TMEM167A: variants seen among roughly 807,000 people sequenced by gnomAD.
The protein encoded by TMEM167A is transmembrane protein 167A, also known as protein kish-A.
TMEM167A carries 8 observed loss-of-function variants against 11.6 expected under a neutral mutation model. The ratio of observed to expected loss-of-function variants is 0.69; its 90% confidence interval spans 0.40 to 1.24. The LOEUF is 1.24. Ranked by LOEUF, TMEM167A falls within the 50% of genes most tolerant of loss-of-function variation. TMEM167A has a pLI of 0.01. For synonymous variants in TMEM167A, 22 were observed against 28.0 expected (o/e 0.79, Z 0.67); for missense variants, 62 against 87.0 (o/e 0.71, Z 1.14).
rs574855161 is a variant in TMEM167A at position 83,055,326 on chromosome 5, A to G, written c.*1758T>C. 5 of 152,136 alleles carry G rather than the reference A, an allele frequency of 3.3e-5. No individual in the cohort carries two copies. In the East Asian group the frequency reaches 5.8e-4, roughly 18 times the overall value. 9.4% of individuals were successfully genotyped at this position (152,136 alleles called of 1,614,324 possible). On this transcript the variant is annotated 3_prime_UTR_variant, in exon 4 of 4. Transcript: ENST00000502346. ...AAAAATTAGTTGACATGGCTTTCGG[A>G]AAGTCCAGTTGGCAGCAGAGCTGGA...
At chr5:83,064,268 T>C (rs768277770) in intron 2 of TMEM167A, 1 of 518,792 alleles carries the variant, frequency 1.9e-6, no homozygotes, top group South Asian at 1.4e-5. Context: ...GAGAACTCCT[T>C]TGTTAATGTA....
intron 1 of TMEM167A, among the ~76,000 whole-genome samples, chr5:83,066,779 C>A (rs990116601): frequency 6.6e-6 from 1 of 151,968 alleles, no homozygotes; most frequent in Non-Finnish European, 1.5e-5. Context: ...GGGGGTAGAT[C>A]TCCCATGAAT....
intron 1 of TMEM167A, among the ~76,000 whole-genome samples, chr5:83,073,181 C>G (rs753949369): frequency 6.6e-6 from 1 of 152,184 alleles, no homozygotes; most frequent in African/African-American, 2.4e-5. Flanking sequence ...CTTGGCTCTC[C>G]GCATCTGTTT....
intron 3 of TMEM167A, among the ~76,000 whole-genome samples, chr5:83,058,517 G>A (rs1156467165): frequency 6.6e-6 from 1 of 151,830 alleles, no homozygotes; most frequent in Non-Finnish European, 1.5e-5. Flanking sequence ...TAATTCTCTT[G>A]GAGAAAAAAG....
Position 83,073,848 on chromosome 5 carries a change from C to A in TMEM167A, c.3+3473G>T, listed in dbSNP as rs1451273622. 3.5e-4 allele frequency among the ~76,000 whole-genome samples: 54 copies of A among 152,192 alleles called. 1 individual carries two copies. The highest frequency in any genetic ancestry group is 3.5e-3 in the Admixed American group (54 of 15,284). Reference sequence around the variant, plus strand: ...CCAAGCTGGAGCTGTGCTTCATCACCCTTCATTAAGTATCTTCAAAACGAT... The same window carrying A: ...CCAAGCTGGAGCTGTGCTTCATCACACTTCATTAAGTATCTTCAAAACGAT... On this transcript the variant is annotated intron_variant, in intron 1 of 3. Transcript: ENST00000502346.
In TMEM167A at chr5:83,053,676, T is replaced by C. The variant is rs1744290274; in HGVS notation, c.*3408A>G. ...ACCTTTGCCTACCTTTCTAGGCTTA[T>C]GTCTTAATACTCCCGAAGTGGCACA... On this transcript the variant is annotated 3_prime_UTR_variant, in exon 4 of 4. Coordinates refer to ENST00000502346, the MANE Select transcript of TMEM167A (RefSeq NM_174909.5). 1 of 152,034 alleles carries C rather than the reference T, an allele frequency of 6.6e-6. No homozygotes were observed. Among genetic ancestry groups the C allele is most frequent in the Non-Finnish European group, 1.5e-5 (1 of 67,956 alleles). The allele number at this position is 152,034 out of a possible 1,614,324, so 9.4% of individuals were successfully genotyped here. A position where few individuals can be genotyped will look rare whatever the true frequency, so the allele number is the denominator to read the frequency against.
intron 1 of TMEM167A, among the ~76,000 whole-genome samples, chr5:83,077,023 A>G (rs1744687122): frequency 6.6e-6 from 1 of 152,254 alleles, no homozygotes; most frequent in South Asian, 2.1e-4. Context: ...AATGCTTCAA[A>G]GGGTCAATGA....
chr5:83,057,833 C>T (rs1023060329), intron 3 of TMEM167A, among the ~76,000 whole-genome samples: 6 of 152,030 alleles, frequency 3.9e-5, no homozygotes, highest in Admixed American at 2.0e-4. Context: ...TTCCTTTGTA[C>T]GAAGTAAATC....
chr5:83,065,124 A>AC lies in TMEM167A; in HGVS notation c.4-8_4-7insG. 1 of 1,521,010 alleles carries AC rather than the reference A, an allele frequency of 6.6e-7. No individual in the cohort carries two copies. The highest frequency in any genetic ancestry group is 8.9e-7 in the Non-Finnish European group (1 of 1,122,620). The allele number at this position is 1,521,010 out of a possible 1,614,324, so 94.2% of individuals were successfully genotyped here. A position where few individuals can be genotyped will look rare whatever the true frequency, so the allele number is the denominator to read the frequency against. On this transcript the variant is annotated splice_polypyrimidine_tract_variant and splice_region_variant and intron_variant, in intron 1 of 3. Transcript: ENST00000502346. ...GAAAATTGAAAATGGCAGACTAAAA[A>AC]GAAAAAAAAAAAAGAAAAATTAATA...
At chr5:83,057,296 A>T (rs1008002158) in intron 3 of TMEM167A, 142 bp from the exon 4 acceptor site, 7 of 661,336 alleles carry the variant, frequency 1.1e-5, no homozygotes, top group Non-Finnish European at 8.0e-6. Context: ...CAAAAACTAG[A>T]TGCAACATAA....
chr5:83,056,714 C>T lies in TMEM167A; in HGVS notation c.*370G>A. The T allele has an allele frequency of 4.0e-6, 1 of 248,646 alleles. No homozygotes were observed. The highest frequency in any genetic ancestry group is 1.4e-4 in the East Asian group (1 of 6,928). 15.4% of individuals were successfully genotyped at this position (248,646 alleles called of 1,614,324 possible). A position where few individuals can be genotyped will look rare whatever the true frequency, so the allele number is the denominator to read the frequency against. On this transcript the variant is annotated 3_prime_UTR_variant, in exon 4 of 4. Coordinates refer to ENST00000502346, the MANE Select transcript of TMEM167A (RefSeq NM_174909.5). ...AGCTAGTCCAAAAAAGGTTCTCATT[C>T]TATAAAGATTAAATCATTTCCAAAT...
intron 2 of TMEM167A, among the ~76,000 whole-genome samples, chr5:83,063,439 T>A (rs145979419): frequency 6.6e-6 from 1 of 152,096 alleles, no homozygotes; most frequent in Non-Finnish European, 1.5e-5. Flanking sequence ...AGGTTAGGCA[T>A]TTGCAAAGCC....
chr5:83,062,365 T>C (rs768244372), intron 2 of TMEM167A, among the ~76,000 whole-genome samples: 8 of 152,208 alleles, frequency 5.3e-5, no homozygotes, highest in Admixed American at 3.3e-4. Context: ...AGCTCTAAAG[T>C]TAAATAATCT....
At chr5:83,075,707 T>C (rs1234369545) in intron 1 of TMEM167A, among the ~76,000 whole-genome samples, 1 of 151,114 alleles carries the variant, frequency 6.6e-6, no homozygotes, top group Non-Finnish European at 1.5e-5. Flanking sequence ...ATTATGCCAC[T>C]GCACTCCAGC....
At position 83,077,310 on chromosome 5, in the gene TMEM167A, C is replaced by T. The variant is rs1438686151; in HGVS notation, c.3+11G>A. 6.2e-7 allele frequency: 1 copy of T among 1,614,168 alleles called. No individual in the cohort carries two copies. The highest frequency in any genetic ancestry group is 8.5e-7 in the Non-Finnish European group (1 of 1,180,018). ...GAAGATCAACCGCGACCTGGGAGCC[C>T]CACTTCTTACCATAGCGAGGCCGGC... On this transcript the variant is annotated intron_variant, in intron 1 of 3. Coordinates refer to ENST00000502346, the MANE Select transcript of TMEM167A (RefSeq NM_174909.5).
chr5:83,056,955 A>G lies in TMEM167A; in HGVS notation c.*129T>C, dbSNP rs2112237272. On this transcript the variant is annotated 3_prime_UTR_variant, in exon 4 of 4. Transcript: ENST00000502346. ...GTCCAATAACATTAAAATAGAGAACAGCATCTGGAAATTTATCTCATTCAA... is the reference window on the plus strand; with the variant it reads ...GTCCAATAACATTAAAATAGAGAACGGCATCTGGAAATTTATCTCATTCAA... The G allele has an allele frequency of 1.2e-6, 1 of 808,800 alleles. No individual in the cohort carries two copies. The highest frequency in any genetic ancestry group is 2.1e-6 in the Non-Finnish European group (1 of 482,506). The allele number at this position is 808,800 out of a possible 1,614,324, so 50.1% of individuals were successfully genotyped here. A position where few individuals can be genotyped will look rare whatever the true frequency, so the allele number is the denominator to read the frequency against.
chr5:83,077,327 G>C lies in TMEM167A; in HGVS notation c.-4C>G. The C allele has an allele frequency of 6.2e-7, 1 of 1,614,150 alleles. No individual in the cohort carries two copies. The highest frequency in any genetic ancestry group is 8.5e-7 in the Non-Finnish European group (1 of 1,180,022). ...TGGGAGCCCCACTTCTTACCATAGC[G>C]AGGCCGGCGATGCCGCAGCCACATC... On this transcript the variant is annotated 5_prime_UTR_variant, in exon 1 of 4. Coordinates refer to ENST00000502346, the MANE Select transcript of TMEM167A (RefSeq NM_174909.5).
At position 83,077,344 on chromosome 5, in the gene TMEM167A, A is replaced by C; in HGVS notation, c.-21T>G. ...ACCATAGCGAGGCCGGCGATGCCGC[A>C]GCCACATCACCCTTCCGGGGCTCAG... On this transcript the variant is annotated 5_prime_UTR_variant, in exon 1 of 4. Coordinates refer to ENST00000502346, the MANE Select transcript of TMEM167A (RefSeq NM_174909.5). 6.2e-7 allele frequency: 1 copy of C among 1,614,190 alleles called. No individual in the cohort carries two copies. The highest frequency in any genetic ancestry group is 8.5e-7 in the Non-Finnish European group (1 of 1,180,020).
At chr5:83,072,607 C>T (rs1744579337) in intron 1 of TMEM167A, among the ~76,000 whole-genome samples, 1 of 152,104 alleles carries the variant, frequency 6.6e-6, no homozygotes, top group African/African-American at 2.4e-5. Flanking sequence ...CGGCTCATTG[C>T]AACCTCCACC....
Sources: allele counts gnomAD v4.1 joint callset (sites outside exome capture counted in the v4.1 genomes callset), GRCh38; gene constraint gnomAD v4.1.1; transcripts MANE v1.5; gene names NCBI Gene and HGNC (gene_info 2026-07-23, HGNC 2026-07-21).